SHPRH: variants seen among roughly 807,000 people sequenced by gnomAD.
SHPRH encodes the protein SNF2 histone linker PHD RING helicase, also known as E3 ubiquitin-protein ligase SHPRH.
Under a neutral mutation model 202.5 loss-of-function variants are expected in SHPRH, and 106 were observed. That is an observed-to-expected ratio of 0.52 (90% CI 0.45 to 0.62). SHPRH has a LOEUF of 0.62. Ranked by LOEUF, SHPRH falls within the 20% of genes least tolerant of loss-of-function variation. SHPRH has a pLI of 0.00. For synonymous variants in SHPRH, 729 were observed against 686.0 expected, an observed-to-expected ratio of 1.06 and a Z score of -0.98; for missense variants, 1,710 against 2,020.0, an observed-to-expected ratio of 0.85 and a Z score of 2.94.
At chr6:145,901,232 A>C (rs1431941062) in intron 25 of SHPRH, among the ~76,000 whole-genome samples, 2 of 152,124 alleles carry the variant, frequency 1.3e-5, no homozygotes, top group Non-Finnish European at 2.9e-5. Flanking sequence ...ACATAAAAGG[A>C]TGGTTTATCT....
intron 1 of SHPRH, among the ~76,000 whole-genome samples, chr6:145,962,102 G>A (rs1789145575): frequency 6.6e-6 from 1 of 152,044 alleles, no homozygotes; most frequent in Non-Finnish European, 1.5e-5. Context: ...CACTTTTACT[G>A]TCTTGTATTT....
At chr6:145,907,719 C>G (rs1783093693) in intron 25 of SHPRH, 1 of 152,094 alleles carries the variant, frequency 6.6e-6, no homozygotes, top group Non-Finnish European at 1.5e-5. Flanking sequence ...ACTAATTCAT[C>G]ATTCATCCTT....
intron 28 of SHPRH, among the ~76,000 whole-genome samples, chr6:145,890,138 C>T (rs897261945): frequency 1.3e-5 from 2 of 152,140 alleles, no homozygotes; most frequent in African/African-American, 4.8e-5. Context: ...AGCAAAACTC[C>T]TCAAAATACT....
At chr6:145,945,220 T>A (rs1787238646) in intron 8 of SHPRH, among the ~76,000 whole-genome samples, 161 bp downstream of exon 8, 1 of 152,188 alleles carries the variant, frequency 6.6e-6, no homozygotes. Flanking sequence ...ACGGAGTTTA[T>A]ATCCACAAAG....
At chr6:145,862,820 T>A (rs1314198602), downstream of SHPRH, 1 of 152,244 alleles carries the variant, frequency 6.6e-6, no homozygotes, top group East Asian at 1.9e-4. Context: ...TCCTATTTTT[T>A]AAATCAAATT....
chr6:145,912,275 A>T (rs1783562195), intron 24 of SHPRH, among the ~76,000 whole-genome samples: 1 of 152,008 alleles, frequency 6.6e-6, no homozygotes, highest in East Asian at 1.9e-4. Context: ...GGAAAAAAAA[A>T]TACGGCTACT....
At chr6:145,938,052 T>C (rs933581715) in intron 11 of SHPRH, among the ~76,000 whole-genome samples, 1 of 152,240 alleles carries the variant, frequency 6.6e-6, no homozygotes, top group Admixed American at 6.5e-5. Context: ...GGATCGTATG[T>C]ACTTTTGCTC....
intron 1 of SHPRH, among the ~76,000 whole-genome samples, chr6:145,956,532 C>T (rs1021234771): frequency 1.3e-5 from 2 of 151,914 alleles, no homozygotes; most frequent in African/African-American, 4.8e-5. Flanking sequence ...CACCTGTATA[C>T]CTACAATCTA....
intron 28 of SHPRH, among the ~76,000 whole-genome samples, 162 bp downstream of exon 28, chr6:145,893,053 T>C (rs1168545756): frequency 6.6e-6 from 1 of 151,876 alleles, no homozygotes; most frequent in Non-Finnish European, 1.5e-5. Flanking sequence ...ATTAAAAAGT[T>C]ATAAATAAAT....
chr6:145,886,628 T>G lies in SHPRH; in HGVS notation c.*63A>C, dbSNP rs1781033860. 1 of 1,587,024 alleles carries G rather than the reference T, an allele frequency of 6.3e-7. No individual in the cohort carries two copies. ...CTACTGGGTTTTTAAAACTTGTAAC[T>G]TTGCTCTACAGCTATGAAAGTTTAT... On this transcript the variant is annotated 3_prime_UTR_variant, in exon 30 of 30. Coordinates refer to ENST00000275233, the MANE Select transcript of SHPRH (RefSeq NM_001042683.3).
At chr6:145,875,149 G>A (rs1780243983) in intron 2 of SHPRH, among the ~76,000 whole-genome samples, 1 of 152,180 alleles carries the variant, frequency 6.6e-6, no homozygotes, top group Admixed American at 6.6e-5. Flanking sequence ...CAAGATATGG[G>A]ATACTCATCC....
Position 145,922,751 on chromosome 6 carries a change from C to T in SHPRH, c.3631G>A (p.Val1211Ile). Residue 1211 changes from valine to isoleucine, a missense_variant, in exon 19 of 30, where the codon GTA becomes ATA. By Grantham distance (29) the Val-to-Ile change is conservative. Transcript: ENST00000275233. Reference protein sequence around the residue: ...NKCQKLVREAVKNLEGPPSRN... With the variant: ...NKCQKLVREAIKNLEGPPSRN... ...GATGGAGGTCCCTCCAGGTTTTTTA[C>T]AGCCTCTCTTACTAGCTTCTGGCAT... 3 of 1,612,164 alleles carry T rather than the reference C, an allele frequency of 1.9e-6. No individual in the cohort carries two copies. Among genetic ancestry groups the T allele is most frequent in the Non-Finnish European group, 2.5e-6 (3 of 1,178,832 alleles).
At chr6:145,926,659 C>T (rs1420980692) in intron 15 of SHPRH, among the ~76,000 whole-genome samples, 2 of 151,846 alleles carry the variant, frequency 1.3e-5, no homozygotes, top group East Asian at 3.9e-4. Context: ...GGGACTCAAA[C>T]CTAAACTTGC....
chr6:145,925,222 A>G (rs1357801452), intron 16 of SHPRH, among the ~76,000 whole-genome samples: 1 of 151,726 alleles, frequency 6.6e-6, no homozygotes, highest in Non-Finnish European at 1.5e-5. Context: ...TTCCTTAGTT[A>G]CTGCAGTTTA....
intron 13 of SHPRH, 84 bp from the exon 14 acceptor site, chr6:145,933,262 A>G: frequency 6.4e-7 from 1 of 1,562,112 alleles, no homozygotes; most frequent in Middle Eastern, 1.7e-4. Context: ...CACATGATCA[A>G]GAGTGTATGA....
rs954932779 is a variant in SHPRH, at chr6:145,954,742, T to C, written c.581A>G (p.Lys194Arg). The change falls in exon 2 of 30, where the codon AAG (lysine) becomes AGG (arginine). Residue 194 changes from lysine to arginine, a missense_variant. Lys to Arg is a conservative substitution (Grantham distance 26). Transcript: ENST00000275233. The stretch of plus-strand genomic sequence containing the variant: ...CTGATAGAGTTTTATTCTTCTCTTC[T>C]TTTGTAGCCACCCCAAATCTTCTAA... ...EMLEDLGWLQ[K>R]KRRIKLYQKP... 8 of 1,608,186 alleles carry C rather than the reference T, an allele frequency of 5.0e-6. No homozygotes were observed. The highest frequency in any genetic ancestry group is 6.8e-6 in the Non-Finnish European group (8 of 1,178,466).
chr6:145,924,739 C>G lies in SHPRH; in HGVS notation c.3402G>C (p.Lys1134Asn). The G allele has an allele frequency of 6.2e-7, 1 of 1,610,682 alleles. No homozygotes were observed. Among genetic ancestry groups the G allele is most frequent in the Non-Finnish European group, 8.5e-7 (1 of 1,177,780 alleles). Residue 1134 changes from lysine (K) to asparagine (N), a missense_variant and splice_region_variant, in exon 17 of 30, where the codon AAG (lysine) becomes AAC (asparagine). Physicochemically the swap from Lys to Asn is moderately conservative, Grantham distance 94. Transcript: ENST00000275233. ...TAAGAAACACTGCATTTTGGCATAC[C>G]TTTCTTTGAAGCTCATGGATGGTCT... ...VQQTIHELQR[K>N]IHSNSPWWLN...
At chr6:145,921,950 G>A (rs139502489) in intron 20 of SHPRH, among the ~76,000 whole-genome samples, 10 of 151,954 alleles carry the variant, frequency 6.6e-5, no homozygotes, top group South Asian at 2.1e-4. Context: ...AAGTTATGCC[G>A]GACATTATGA....
chr6:145,913,622 C>A, intron 23 of SHPRH, 73 bp from the exon 24 acceptor site: 1 of 1,278,672 alleles, frequency 7.8e-7, no homozygotes, highest in South Asian at 1.4e-5. Context: ...TTTTGCAACT[C>A]ATTTATGGAA....
Sources: allele counts gnomAD v4.1 joint callset (sites outside exome capture counted in the v4.1 genomes callset), GRCh38; gene constraint gnomAD v4.1.1; transcripts MANE v1.5; gene names NCBI Gene and HGNC (gene_info 2026-07-23, HGNC 2026-07-21).